The following PLEKHA2 variants were observed in gnomAD, a reference collection of about 807,000 sequenced individuals.
PLEKHA2 encodes pleckstrin homology domain containing A2, also known as pleckstrin homology domain-containing family A member 2.
A neutral mutation model predicts 53.2 loss-of-function variants in PLEKHA2; 28 were observed. That is an observed-to-expected ratio of 0.53 (90% CI 0.39 to 0.72). The LOEUF (loss-of-function observed/expected upper bound fraction) is 0.72, where lower values mean the gene tolerates loss of function less well. Ranked by LOEUF, PLEKHA2 falls within the 30% of genes least tolerant of loss-of-function variation. The pLI, the probability that PLEKHA2 is intolerant of heterozygous loss-of-function variation, is 0.00. For synonymous variants in PLEKHA2, 193 were observed against 196.4 expected, an observed-to-expected ratio of 0.98 and a Z score of 0.14; for missense variants, 426 against 537.9, an observed-to-expected ratio of 0.79 and a Z score of 2.06.
intron 3 of PLEKHA2, among the ~76,000 whole-genome samples, chr8:38,936,428 G>A (rs1834496495): frequency 6.6e-6 from 1 of 152,206 alleles, no homozygotes; most frequent in Non-Finnish European, 1.5e-5. Flanking sequence ...TCCAGCAACT[G>A]TGAAGGATTC....
rs563935016 is a variant in PLEKHA2, at chr8:38,919,676, T to C, written c.141+1606T>C. ...ATCTTGGGCATTTGTCTTCTAGATTTGATGACCAAGAGAAAAACAGCATAG... is the reference window on the plus strand; with the variant it reads ...ATCTTGGGCATTTGTCTTCTAGATTCGATGACCAAGAGAAAAACAGCATAG... On this transcript the variant is annotated intron_variant, in intron 2 of 11. Transcript: ENST00000617275. Among the ~76,000 whole-genome samples, 3 of 152,320 alleles carry C rather than the reference T, an allele frequency of 2.0e-5. No individual in the cohort carries two copies. The South Asian group carries it at 6.2e-4, about 32-fold the overall frequency.
chr8:38,929,995 G>A lies in PLEKHA2; in HGVS notation c.142-5999G>A, dbSNP rs147935499. 9.9e-4 allele frequency among the ~76,000 whole-genome samples: 151 copies of A among 152,300 alleles called. No individual in the cohort carries two copies. In the South Asian group the frequency reaches 0.016, roughly 16 times the overall value. ...TTCTTCAACAAGAAATACTGCTGTT[G>A]CTAGAAAAAGGATTAACGTGGGAGG... On this transcript the variant is annotated intron_variant, in intron 2 of 11. Coordinates refer to ENST00000617275, the MANE Select transcript of PLEKHA2 (RefSeq NM_021623.2).
intron 10 of PLEKHA2, among the ~76,000 whole-genome samples, chr8:38,960,020 G>C (rs947466474): frequency 6.6e-6 from 1 of 152,232 alleles, no homozygotes; most frequent in Admixed American, 6.5e-5. Context: ...GATTGTGCTG[G>C]TTGAGTTCAG....
In PLEKHA2 at chr8:38,922,131, A is replaced by G; in HGVS notation, c.141+4061A>G. ...GCACAGCTGGGACTCTAACCCCGGC[A>G]GTCTAACTCTAGTGCCCCTGCCATT... On this transcript the variant is annotated intron_variant, in intron 2 of 11. Coordinates refer to ENST00000617275, the MANE Select transcript of PLEKHA2 (RefSeq NM_021623.2). This position sits in a 1 kb window ranked among gnomAD's most constrained non-coding sequence, Gnocchi z 4.0. Among the ~76,000 whole-genome samples, 1 of 152,198 alleles carries G rather than the reference A, an allele frequency of 6.6e-6. No homozygotes were observed. Among genetic ancestry groups the G allele is most frequent in the Non-Finnish European group, 1.5e-5 (1 of 68,036 alleles).
chr8:38,950,617 T>C (rs977968479), intron 5 of PLEKHA2: 10 of 405,082 alleles, frequency 2.5e-5, no homozygotes, highest in African/African-American at 1.8e-4. Flanking sequence ...GGCTGGCTCA[T>C]AAGTAGGCGC....
intron 10 of PLEKHA2, among the ~76,000 whole-genome samples, chr8:38,966,080 T>C (rs2129424809): frequency 6.6e-6 from 1 of 152,258 alleles, no homozygotes; most frequent in South Asian, 2.1e-4. Context: ...GCTAGTAAGT[T>C]TGCAGGCAGA....
At position 38,950,859 on chromosome 8, in the gene PLEKHA2, G is replaced by C. The variant is rs921838788; in HGVS notation, c.355G>C (p.Gly119Arg). Residue 119 changes from glycine to arginine, a missense_variant, in exon 6 of 12, where the codon GGT (glycine) becomes CGT (arginine). Gly to Arg is a moderately radical substitution (Grantham distance 125, BLOSUM62 -2). Coordinates refer to ENST00000617275, the MANE Select transcript of PLEKHA2 (RefSeq NM_021623.2). ...CTGCCGCTCACCCCAGGTTCCCAAA[G>C]GTGGGGGCCTACCCATGACCACTGA... ...NQASKITVPK[G>R]GGLPMTTEVL... 6.2e-7 allele frequency: 1 copy of C among 1,613,474 alleles called. No individual in the cohort carries two copies. Among genetic ancestry groups the C allele is most frequent in the African/African-American group, 1.3e-5 (1 of 74,924 alleles).
chr8:38,920,417 G>A (rs1175833696), intron 2 of PLEKHA2, among the ~76,000 whole-genome samples: 1 of 152,064 alleles, frequency 6.6e-6, no homozygotes, highest in East Asian at 1.9e-4. Context: ...GCCTCCCAAA[G>A]TGCTGGGATT....
chr8:38,948,699 T>A (rs1426771919), intron 5 of PLEKHA2, among the ~76,000 whole-genome samples: 2 of 152,130 alleles, frequency 1.3e-5, no homozygotes, highest in African/African-American at 4.8e-5. Flanking sequence ...GATCCTTAGG[T>A]CTTTCTTACT....
chr8:38,938,900 C>CTTT (rs373598976), intron 3 of PLEKHA2, among the ~76,000 whole-genome samples: 4 of 142,820 alleles, frequency 2.8e-5, no homozygotes, highest in East Asian at 2.0e-4. Context: ...CTTTCTTTTT[C>CTTT]TTTTTTTTTT....
At position 38,971,172 on chromosome 8, in the gene PLEKHA2, C is replaced by T. The variant is rs1411197907; in HGVS notation, c.*1389C>T. ...TGTTTCTTTCAGGACGTGTTGTTTC[C>T]CTGAAGTCTATGTCACACTGAGAAC... On this transcript the variant is annotated 3_prime_UTR_variant, in exon 12 of 12. Transcript: ENST00000617275. 1 of 152,116 alleles carries T rather than the reference C, an allele frequency of 6.6e-6. No homozygotes were observed. The highest frequency in any genetic ancestry group is 1.5e-5 in the Non-Finnish European group (1 of 68,028). The allele number at this position is 152,116 out of a possible 1,614,324, so 9.4% of individuals were successfully genotyped here. A position where few individuals can be genotyped will look rare whatever the true frequency, so the allele number is the denominator to read the frequency against.
chr8:38,920,376 A>C (rs4733952), intron 2 of PLEKHA2, among the ~76,000 whole-genome samples: 87 of 151,552 alleles, frequency 5.7e-4, no homozygotes, highest in African/African-American at 1.7e-3. Flanking sequence ...GGATGGTCTC[A>C]AGCTCCTGAC....
chr8:38,926,529 A>G (rs1380893796), intron 2 of PLEKHA2, among the ~76,000 whole-genome samples: 1 of 152,166 alleles, frequency 6.6e-6, no homozygotes, highest in Non-Finnish European at 1.5e-5. Flanking sequence ...TGAGAGCTTA[A>G]TGTAGAATTA....
At chr8:38,914,083 T>C (rs1247265319) in intron 1 of PLEKHA2, among the ~76,000 whole-genome samples, 2 of 152,226 alleles carry the variant, frequency 1.3e-5, no homozygotes, top group Non-Finnish European at 2.9e-5. Context: ...ACCACCTCTT[T>C]TACTGCAGCT....
Position 38,901,720 on chromosome 8 carries a change from G to A in PLEKHA2, c.-24+275G>A, listed in dbSNP as rs967730843. 7.2e-5 allele frequency: 11 copies of A among 152,230 alleles called. 1 individual carries two copies. Among genetic ancestry groups the A allele is most frequent in the African/African-American group, 1.9e-4 (8 of 41,330 alleles). The allele number at this position is 152,230 out of a possible 1,614,324, so 9.4% of individuals were successfully genotyped here. On this transcript the variant is annotated intron_variant, in intron 1 of 11. Transcript: ENST00000617275. ...GGTGGCCAAGGTCGCCGCCGCCAGGGGTCGGGCTGCGGGGGGTGGGGCCGC... is the reference window on the plus strand; with the variant it reads ...GGTGGCCAAGGTCGCCGCCGCCAGGAGTCGGGCTGCGGGGGGTGGGGCCGC...
At chr8:38,959,278 A>G (rs1249859869) in intron 10 of PLEKHA2, among the ~76,000 whole-genome samples, 5 of 152,178 alleles carry the variant, frequency 3.3e-5, no homozygotes, top group African/African-American at 1.2e-4. Flanking sequence ...TTGGGGGAAA[A>G]GTGGCCCAGG....
chr8:38,953,788 C>G (rs545485536), intron 9 of PLEKHA2, among the ~76,000 whole-genome samples: 1 of 152,318 alleles, frequency 6.6e-6, no homozygotes, highest in Non-Finnish European at 1.5e-5. Context: ...TCTTCCCTGA[C>G]CTTCTTATTC....
intron 2 of PLEKHA2, among the ~76,000 whole-genome samples, chr8:38,930,009 T>C (rs1196684373): frequency 1.3e-5 from 2 of 152,140 alleles, no homozygotes; most frequent in Admixed American, 6.5e-5. Flanking sequence ...GAAAAAGGAT[T>C]AACGTGGGAG....
At chr8:38,940,655 G>C (rs869037331) in intron 3 of PLEKHA2, among the ~76,000 whole-genome samples, 10 of 107,736 alleles carry the variant, frequency 9.3e-5, no homozygotes, top group Non-Finnish European at 1.6e-4. Context: ...AGGGGCGGGG[G>C]GGGGGGGTCA....
Sources: gnomAD v4.1 joint callset for allele counts (sites outside exome capture counted in the v4.1 genomes callset) on GRCh38, gnomAD v4.1.1 for gene constraint, Gnocchi (gnomAD v3.1) non-coding constraint, MANE v1.5 for transcripts, NCBI Gene and HGNC (gene_info 2026-07-23, HGNC 2026-07-21) for gene names.